Variants in KANSL2 observed in about 807,000 individuals in gnomAD.
KANSL2 encodes the protein KAT8 regulatory NSL complex subunit 2.
In KANSL2, 34 loss-of-function variants were observed where a neutral mutation model predicts 55.6. That is an observed-to-expected ratio of 0.61 (90% CI 0.46 to 0.81). The LOEUF (loss-of-function observed/expected upper bound fraction) is 0.81. Among genes scored for constraint, KANSL2 ranks in the 40% least tolerant of loss-of-function variants. The pLI, the probability that KANSL2 is intolerant of heterozygous loss-of-function variation, is 0.00. For missense variants in KANSL2, 502 were observed against 609.9 expected, an observed-to-expected ratio of 0.82 and a Z score of 1.86; for synonymous variants, 209 against 214.3, an observed-to-expected ratio of 0.98 and a Z score of 0.22.
intron 3 of KANSL2, 100 bp from the exon 4 acceptor site, chr12:48,679,250 AAAAAC>A (rs1410942969): frequency 3.5e-6 from 3 of 849,448 alleles, no homozygotes; most frequent in Non-Finnish European, 5.9e-6. Flanking sequence ...TTGAAATTTT[AAAAAC>A]AAAACAAAAA....
intron 7 of KANSL2, among the ~76,000 whole-genome samples, chr12:48,662,891 AC>A (rs1417104915): frequency 5.3e-5 from 8 of 152,188 alleles, no homozygotes; most frequent in African/African-American, 1.9e-4. Context: ...CCTTAAAAAA[AC>A]AAAAAATAAA....
chr12:48,670,790 C>A (rs563840268), intron 5 of KANSL2, among the ~76,000 whole-genome samples: 2 of 151,556 alleles, frequency 1.3e-5, no homozygotes, highest in Middle Eastern at 3.4e-3. Context: ...GGCAACATAG[C>A]GAGACCCTGT....
At chr12:48,675,974 C>A (rs547955538) in intron 4 of KANSL2, among the ~76,000 whole-genome samples, 6 of 152,062 alleles carry the variant, frequency 3.9e-5, no homozygotes, top group Admixed American at 2.0e-4. Context: ...TGTGAAATAA[C>A]CTTCAGCCAA....
chr12:48,679,231 A>C, intron 3 of KANSL2, 81 bp from the exon 4 acceptor site: 2 of 932,550 alleles, frequency 2.1e-6, no homozygotes, highest in Admixed American at 4.0e-5. Context: ...ACTTTTATCA[A>C]CCCAAACCTT....
intron 6 of KANSL2, 99 bp downstream of exon 6, chr12:48,669,007 G>A: frequency 1.1e-6 from 1 of 907,468 alleles, no homozygotes. Flanking sequence ...TCGCACCACT[G>A]CACTCCAGCC....
At chr12:48,667,248 T>C (rs955638583) in intron 7 of KANSL2, among the ~76,000 whole-genome samples, 39 of 152,096 alleles carry the variant, frequency 2.6e-4, no homozygotes, top group African/African-American at 8.2e-4. Context: ...AGGATAATAC[T>C]AGAAGTTCAC....
chr12:48,681,349 A>C, intron 2 of KANSL2, 33 bp downstream of exon 2: 1 of 1,566,236 alleles, frequency 6.4e-7, no homozygotes, highest in South Asian at 1.2e-5. Flanking sequence ...CCTCGCTTTA[A>C]GAAAAACGAC....
chr12:48,678,518 CCT>C (rs1244658468), intron 4 of KANSL2, among the ~76,000 whole-genome samples: 2 of 152,046 alleles, frequency 1.3e-5, no homozygotes, highest in African/African-American at 4.8e-5. Context: ...TGCTAATTAC[CCT>C]GATTTGATCA....
chr12:48,669,025 C>G, intron 6 of KANSL2, 81 bp downstream of exon 6: 1 of 1,103,614 alleles, frequency 9.1e-7, no homozygotes, highest in African/African-American at 1.6e-5. Context: ...GCCCGAGTGA[C>G]AGTGCGAGAC....
chr12:48,682,172 G>C lies in KANSL2; in HGVS notation c.-10+15C>G, dbSNP rs1361935876. Reference sequence around the variant, plus strand: ...CAACCGCAAGAGCTTAGAGGAAAGAGCACCGCCATCTTACCTCAGGAGCTG... The same window carrying C: ...CAACCGCAAGAGCTTAGAGGAAAGACCACCGCCATCTTACCTCAGGAGCTG... On this transcript the variant is annotated intron_variant, in intron 1 of 9. Coordinates refer to ENST00000420613, the MANE Select transcript of KANSL2 (RefSeq NM_017822.4). 1.4e-6 allele frequency: 1 copy of C among 696,606 alleles called. No individual in the cohort carries two copies. Among genetic ancestry groups the C allele is most frequent in the South Asian group, 1.5e-5 (1 of 67,234 alleles). 43.2% of individuals were successfully genotyped at this position (696,606 alleles called of 1,614,324 possible).
chr12:48,681,276 A>AT lies in KANSL2; in HGVS notation c.251+105dup, dbSNP rs113369971. On this transcript the variant is annotated intron_variant, in intron 2 of 9. Transcript: ENST00000420613. ...TCCAAGGATACAACCATAACCCCAA[A>AT]TTTACAAGGACAAAATCTCAAACGC... 535 of 1,366,096 alleles carry AT rather than the reference A, an allele frequency of 3.9e-4. 1 individual carries two copies. The African/African-American group carries it at 7.0e-3, about 18-fold the overall frequency. The allele number at this position is 1,366,096 out of a possible 1,614,324, so 84.6% of individuals were successfully genotyped here.
chr12:48,667,574 T>G (rs1181597888), intron 7 of KANSL2, 119 bp downstream of exon 7: 1 of 818,214 alleles, frequency 1.2e-6, no homozygotes, highest in Non-Finnish European at 2.2e-6. Flanking sequence ...AGCAAACTGC[T>G]GGCCTTGATT....
intron 7 of KANSL2, among the ~76,000 whole-genome samples, chr12:48,664,879 CTT>C (rs367566566): frequency 0.016 from 1,496 of 94,570 alleles, 21 homozygotes; most frequent in Middle Eastern, 0.032. Flanking sequence ...ACTGCGCCCG[CTT>C]TTTTTTTTTT....
chr12:48,665,816 A>G (rs1939587294), intron 7 of KANSL2, among the ~76,000 whole-genome samples: 2 of 152,234 alleles, frequency 1.3e-5, no homozygotes, highest in South Asian at 4.1e-4. Flanking sequence ...AATTGAAAAG[A>G]AGAAAAAAAG....
chr12:48,657,663 C>A (rs1939412101), intron 8 of KANSL2, among the ~76,000 whole-genome samples: 1 of 152,016 alleles, frequency 6.6e-6, no homozygotes, highest in Non-Finnish European at 1.5e-5. Flanking sequence ...GTTACCCAGG[C>A]TGGAGTGCAA....
At chr12:48,667,644 G>T in intron 7 of KANSL2, 49 bp downstream of exon 7, 1 of 1,390,492 alleles carries the variant, frequency 7.2e-7, no homozygotes, top group Non-Finnish European at 1.0e-6. Context: ...ATTCCCACTA[G>T]TCTTCAAACT....
At chr12:48,680,609 CACATAT>C (rs1361017198) in intron 2 of KANSL2, among the ~76,000 whole-genome samples, 1 of 152,168 alleles carries the variant, frequency 6.6e-6, no homozygotes, top group Non-Finnish European at 1.5e-5. Context: ...GAAGAATACA[CACATAT>C]ATAACTTTGC....
chr12:48,655,175 C>A, intron 8 of KANSL2, 115 bp from the exon 9 acceptor site: 2 of 1,038,812 alleles, frequency 1.9e-6, no homozygotes, highest in South Asian at 1.8e-5. Context: ...CCTAGCCTAC[C>A]TTTAATAAAA....
chr12:48,675,742 A>G (rs143462137), intron 4 of KANSL2, among the ~76,000 whole-genome samples: 1 of 152,180 alleles, frequency 6.6e-6, no homozygotes, highest in African/African-American at 2.4e-5. Context: ...CATGTAACAG[A>G]TGGCTCATTT....
Sources: gnomAD v4.1 joint callset for allele counts (sites outside exome capture counted in the v4.1 genomes callset) on GRCh38, gnomAD v4.1.1 for gene constraint, MANE v1.5 for transcripts, NCBI Gene and HGNC (gene_info 2026-07-23, HGNC 2026-07-21) for gene names.